Variants in HS3ST5 observed in about 807,000 individuals in gnomAD.
The protein encoded by HS3ST5 is heparan sulfate glucosamine 3-O-sulfotransferase 5.
Under a neutral mutation model 25.4 loss-of-function variants are expected in HS3ST5, and 10 were observed. That is an observed-to-expected ratio of 0.39 (90% CI 0.24 to 0.67). HS3ST5 has a LOEUF of 0.67. Among genes scored for constraint, HS3ST5 ranks in the 30% least tolerant of loss-of-function variants. HS3ST5 has a pLI of 0.44. For missense variants in HS3ST5, 324 were observed against 420.7 expected, an observed-to-expected ratio of 0.77 and a Z score of 2.01; for synonymous variants, 170 against 162.4, an observed-to-expected ratio of 1.05 and a Z score of -0.36.
At chr6:114,278,364 A>C (rs561843033) in intron 1 of HS3ST5, among the ~76,000 whole-genome samples, 41 of 152,082 alleles carry the variant, frequency 2.7e-4, no homozygotes, top group African/African-American at 9.9e-4. Context: ...CATTTTCTGC[A>C]TAATTTTGCT....
intron 3 of HS3ST5, among the ~76,000 whole-genome samples, chr6:114,073,811 A>T (rs981248924): frequency 2.0e-5 from 3 of 152,212 alleles, no homozygotes; most frequent in Admixed American, 6.5e-5. Context: ...TACCCAAAGG[A>T]TTATAAATCA....
chr6:114,186,632 C>A lies in HS3ST5; in HGVS notation c.-144-18170G>T, dbSNP rs145987024. Among the ~76,000 whole-genome samples the A allele has an allele frequency of 2.5e-3, 378 of 152,172 alleles. 1 individual carries two copies. Among genetic ancestry groups the A allele is most frequent in the African/African-American group, 8.7e-3 (361 of 41,512 alleles). On this transcript the variant is annotated intron_variant, in intron 2 of 4. Coordinates refer to ENST00000312719, the MANE Select transcript of HS3ST5 (RefSeq NM_153612.4). The stretch of plus-strand genomic sequence containing the variant: ...GAAGCAGCAAATGTTGATATAGAGG[C>A]GGCAGCAAATTATCCAGAAGACCTA...
intron 3 of HS3ST5, among the ~76,000 whole-genome samples, chr6:114,113,970 A>G (rs1026158338): frequency 1.3e-5 from 2 of 152,080 alleles, no homozygotes; most frequent in Admixed American, 6.6e-5. Flanking sequence ...TTCTACTTTG[A>G]TTCTGTGACA....
At chr6:114,244,311 A>G (rs1772281966) in intron 1 of HS3ST5, among the ~76,000 whole-genome samples, 1 of 152,190 alleles carries the variant, frequency 6.6e-6, no homozygotes, top group African/African-American at 2.4e-5. Flanking sequence ...ATATGGAATG[A>G]AGTGATGGCA....
intron 1 of HS3ST5, among the ~76,000 whole-genome samples, chr6:114,263,867 AT>A (rs1157165028): frequency 3.9e-5 from 6 of 152,158 alleles, no homozygotes; most frequent in Middle Eastern, 3.4e-3. Context: ...TAACACCCAT[AT>A]TCATTTGCAA....
At chr6:114,284,821 A>C (rs1774268389) in intron 1 of HS3ST5, among the ~76,000 whole-genome samples, 1 of 151,948 alleles carries the variant, frequency 6.6e-6, no homozygotes, top group Admixed American at 6.6e-5. Flanking sequence ...AGATCAGAGT[A>C]GAACAGTACT....
chr6:114,188,020 T>C (rs1052823125), intron 2 of HS3ST5, among the ~76,000 whole-genome samples: 4 of 152,216 alleles, frequency 2.6e-5, no homozygotes, highest in Admixed American at 6.5e-5. Context: ...CAATAGACCA[T>C]GGCATTGTGT....
chr6:114,328,961 AAATAGTTT>A (rs1469514519), intron 1 of HS3ST5, among the ~76,000 whole-genome samples: 8 of 152,008 alleles, frequency 5.3e-5, no homozygotes, highest in Non-Finnish European at 7.4e-5. Flanking sequence ...GTTTGAAGTT[AAATAGTTT>A]TTTTTAATAT....
intron 1 of HS3ST5, among the ~76,000 whole-genome samples, chr6:114,314,712 C>T (rs796776875): frequency 2.6e-5 from 4 of 152,138 alleles, no homozygotes; most frequent in Non-Finnish European, 5.9e-5. Context: ...TTAAGAAACA[C>T]TAAAATAACT....
At chr6:114,134,738 C>T (rs1438568503) in intron 3 of HS3ST5, among the ~76,000 whole-genome samples, 2 of 152,210 alleles carry the variant, frequency 1.3e-5, no homozygotes, top group African/African-American at 2.4e-5. Context: ...TCCTTCTATG[C>T]TGGGACTGCC....
chr6:114,148,341 A>C (rs1778269702), intron 3 of HS3ST5, among the ~76,000 whole-genome samples: 1 of 152,220 alleles, frequency 6.6e-6, no homozygotes, highest in Non-Finnish European at 1.5e-5. Flanking sequence ...AGAAGAGGCC[A>C]GGCACAGTGG....
At position 114,203,001 on chromosome 6, in the gene HS3ST5, CTT is replaced by C. The variant is rs1275091904; in HGVS notation, c.-145+25582_-145+25583del. Among the ~76,000 whole-genome samples, 23 of 152,304 alleles carry C rather than the reference CTT, an allele frequency of 1.5e-4. 1 individual carries two copies. The highest frequency in any genetic ancestry group is 1.2e-3 in the Admixed American group (19 of 15,292). On this transcript the variant is annotated intron_variant, in intron 2 of 4. Transcript: ENST00000312719. ...GAATAGTTGAGGCATGGCCAACTCT[CTT>C]GTTTTGTAATCAGAACTGGTGGTTA...
At chr6:114,321,488 G>A (rs1007742126) in intron 1 of HS3ST5, among the ~76,000 whole-genome samples, 3 of 151,996 alleles carry the variant, frequency 2.0e-5, no homozygotes, top group Non-Finnish European at 4.4e-5. Context: ...TTATTGCTCT[G>A]TGTTCCACAT....
At chr6:114,151,580 C>G (rs574078683) in intron 3 of HS3ST5, among the ~76,000 whole-genome samples, 7 of 152,298 alleles carry the variant, frequency 4.6e-5, no homozygotes, top group Admixed American at 1.3e-4. Flanking sequence ...AACTAGCCAT[C>G]TTGTTGATTA....
At chr6:114,234,317 A>T (rs185033048) in intron 1 of HS3ST5, among the ~76,000 whole-genome samples, 2,074 of 148,032 alleles carry the variant, frequency 0.014, 36 homozygotes, top group South Asian at 0.044. Flanking sequence ...TAATATATAT[A>T]ATATATATAT....
intron 2 of HS3ST5, among the ~76,000 whole-genome samples, chr6:114,187,370 A>G (rs1780274159): frequency 6.6e-6 from 1 of 152,214 alleles, no homozygotes; most frequent in Non-Finnish European, 1.5e-5. Context: ...CATTAATGAG[A>G]GTTTGCAAGA....
intron 3 of HS3ST5, among the ~76,000 whole-genome samples, chr6:114,160,352 A>C (rs1328890802): frequency 6.6e-6 from 1 of 152,138 alleles, no homozygotes; most frequent in Non-Finnish European, 1.5e-5. Context: ...CAAAGTGCTA[A>C]TTCATATTAT....
At chr6:114,079,062 C>A (rs557479369) in intron 3 of HS3ST5, among the ~76,000 whole-genome samples, 1 of 152,210 alleles carries the variant, frequency 6.6e-6, no homozygotes, top group Non-Finnish European at 1.5e-5. Context: ...ATCAGCTGGG[C>A]CTTCGGTGAG....
chr6:114,119,143 A>G (rs1776665905), intron 3 of HS3ST5, among the ~76,000 whole-genome samples: 1 of 152,228 alleles, frequency 6.6e-6, no homozygotes, highest in Non-Finnish European at 1.5e-5. Flanking sequence ...AGAGGCACAC[A>G]GTGAATGGAT....
Sources: allele counts gnomAD v4.1 joint callset (sites outside exome capture counted in the v4.1 genomes callset), GRCh38; gene constraint gnomAD v4.1.1; transcripts MANE v1.5; gene names NCBI Gene and HGNC (gene_info 2026-07-23, HGNC 2026-07-21).